The following AAK1 variants were observed in gnomAD, a reference collection of about 807,000 sequenced individuals.
AAK1 encodes AP2-associated protein kinase 1.
A neutral mutation model predicts 116.0 loss-of-function variants in AAK1; 37 were observed. That is an observed-to-expected ratio of 0.32 (90% CI 0.25 to 0.42). The LOEUF is 0.42. AAK1 is among the 10% of genes least tolerant of loss of function. AAK1 has a pLI of 1.00. For missense variants in AAK1, 919 were observed against 1,170.6 expected, an observed-to-expected ratio of 0.79 and a Z score of 3.14; for synonymous variants, 458 against 439.9, an observed-to-expected ratio of 1.04 and a Z score of -0.51.
intron 9 of AAK1, among the ~76,000 whole-genome samples, chr2:69,526,809 C>T (rs539551164): frequency 5.4e-4 from 82 of 152,222 alleles, no homozygotes; most frequent in South Asian, 3.1e-3. Flanking sequence ...GGAAGGAGAA[C>T]GGGGACAAGG....
chr2:69,588,617 G>C (rs1462998082), intron 2 of AAK1, among the ~76,000 whole-genome samples: 1 of 152,148 alleles, frequency 6.6e-6, no homozygotes, highest in Non-Finnish European at 1.5e-5. Context: ...ACCATCTGTG[G>C]GTGCTAAGCT....
At position 69,476,967 on chromosome 2, in the gene AAK1, A is replaced by T. The variant is rs1171238190; in HGVS notation, c.2704T>A (p.Ser902Thr). 2.5e-6 allele frequency: 4 copies of T among 1,612,806 alleles called. No homozygotes were observed. Among genetic ancestry groups the T allele is most frequent in the African/African-American group, 2.7e-5 (2 of 74,890 alleles). The change falls in exon 21 of 22, where the codon TCA becomes ACA. Residue 902 changes from serine to threonine, a missense_variant. Around this residue, in one of 4 missense-constraint regions of AAK1, gnomAD observed 263 missense variants for 285.5 expected, o/e 0.92. Transcript: ENST00000409085. ...HKAAEDSNLI[S>T]GFDVPEGSDK... ...GAGCCCTCAGGGACATCAAAACCTG[A>T]GATGAGATTACTATCTTCTGCAGCT... is the stretch of plus-strand genomic sequence containing the variant.
chr2:69,587,878 T>C (rs11126239), intron 2 of AAK1, among the ~76,000 whole-genome samples: 58,532 of 151,780 alleles, frequency 0.39, 11,624 homozygotes, highest in East Asian at 0.61. Flanking sequence ...TCCCAAAATG[T>C]TGGGAGTTAC....
At chr2:69,528,310 G>C (rs1000509847) in intron 8 of AAK1, among the ~76,000 whole-genome samples, 2 of 152,172 alleles carry the variant, frequency 1.3e-5, no homozygotes, top group African/African-American at 4.8e-5. Context: ...CAAGCCGCTA[G>C]AGTTTCCTAA....
intron 2 of AAK1, among the ~76,000 whole-genome samples, chr2:69,610,940 G>C (rs1452332612): frequency 6.6e-6 from 1 of 152,218 alleles, no homozygotes; most frequent in Non-Finnish European, 1.5e-5. Context: ...ATATGGTGCA[G>C]CTGCTGTGGA....
rs1355519596 is a variant in AAK1 at position 69,507,527 on chromosome 2, A to C, written c.2058T>G (p.Val686=). ...ACGTAGACCCTTCTGAAGGATTATA[A>C]ACGTTTTGTTGAGAGGTCCGAGGAG... ...SGSPRTSQQN[V]YNPSEGSTWN... The change falls in exon 15 of 22, where the codon GTT becomes GTG. Residue 686 remains valine (V), a synonymous_variant. Transcript: ENST00000409085. 6.2e-7 allele frequency: 1 copy of C among 1,612,418 alleles called. No homozygotes were observed. Among genetic ancestry groups the C allele is most frequent in the African/African-American group, 1.3e-5 (1 of 74,910 alleles).
chr2:69,643,294 A>G lies in AAK1; in HGVS notation c.-234-20T>C. The stretch of plus-strand genomic sequence containing the variant: ...TTAAACCTGTGATGACAGAGGAAGA[A>G]AGAGAGGATGAATCAGTAACACGCT... On this transcript the variant is annotated intron_variant, in intron 1 of 21. Transcript: ENST00000409085. The G allele has an allele frequency of 7.3e-7, 1 of 1,370,188 alleles. No individual in the cohort carries two copies. Among genetic ancestry groups the G allele is most frequent in the Non-Finnish European group, 9.4e-7 (1 of 1,069,410 alleles). 84.9% of individuals were successfully genotyped at this position (1,370,188 alleles called of 1,614,324 possible).
At chr2:69,479,243 G>A (rs1310754289) in intron 19 of AAK1, among the ~76,000 whole-genome samples, 182 bp from the exon 20 acceptor site, 1 of 151,856 alleles carries the variant, frequency 6.6e-6, no homozygotes, top group Non-Finnish European at 1.5e-5. Context: ...TCTGTATCAT[G>A]AGATTAGATC....
chr2:69,500,696 T>TACACACAC (rs1433743875), intron 16 of AAK1, among the ~76,000 whole-genome samples: 73 of 99,350 alleles, frequency 7.3e-4, no homozygotes, highest in African/African-American at 3.3e-3. Flanking sequence ...TATATATATA[T>TACACACAC]ATACACACAC....
In AAK1 at chr2:69,467,997, AT is replaced by A; in HGVS notation, c.*7871del. ...CAGAACAAAAATGTGTTTGTCCTCC[AT>A]TTTTATTTTCCTTTCTAACAGTTTG... On this transcript the variant is annotated 3_prime_UTR_variant, in exon 22 of 22. Transcript: ENST00000409085. 2 of 985,432 alleles carry A rather than the reference AT, an allele frequency of 2.0e-6. No homozygotes were observed. The highest frequency in any genetic ancestry group is 2.4e-6 in the Non-Finnish European group (2 of 829,906). 61.0% of individuals were successfully genotyped at this position (985,432 alleles called of 1,614,324 possible). A position where few individuals can be genotyped will look rare whatever the true frequency, so the allele number is the denominator to read the frequency against.
At chr2:69,520,634 T>G (rs1252108974) in intron 11 of AAK1, among the ~76,000 whole-genome samples, 200 bp downstream of exon 11, 1 of 152,176 alleles carries the variant, frequency 6.6e-6, no homozygotes, top group African/African-American at 2.4e-5. Flanking sequence ...CCCAAAGTGT[T>G]GGGATTACAG....
chr2:69,620,787 T>C (rs896170552), intron 2 of AAK1, among the ~76,000 whole-genome samples: 2 of 152,220 alleles, frequency 1.3e-5, no homozygotes, highest in African/African-American at 4.8e-5. Context: ...TTGCTAAGCC[T>C]AAATTCCATC....
intron 10 of AAK1, among the ~76,000 whole-genome samples, chr2:69,522,093 G>A (rs890855101): frequency 6.6e-6 from 1 of 152,238 alleles, no homozygotes; most frequent in Non-Finnish European, 1.5e-5. Context: ...GGGTGCAGAA[G>A]CCCAGGTGCT....
chr2:69,626,663 C>CTTT (rs1205180498), intron 2 of AAK1, among the ~76,000 whole-genome samples: 6,353 of 125,428 alleles, frequency 0.051, 526 homozygotes, highest in African/African-American at 0.13. Flanking sequence ...CCATGCCTGG[C>CTTT]TTTTTTTTTT....
intron 3 of AAK1, among the ~76,000 whole-genome samples, chr2:69,547,655 T>C (rs1487748445): frequency 6.6e-6 from 1 of 152,182 alleles, no homozygotes; most frequent in Non-Finnish European, 1.5e-5. Flanking sequence ...TGTATATTAC[T>C]AGTAGAAATA....
chr2:69,488,888 A>C (rs532169562), intron 17 of AAK1, among the ~76,000 whole-genome samples: 1 of 152,218 alleles, frequency 6.6e-6, no homozygotes, highest in South Asian at 2.1e-4. Flanking sequence ...AAGTTCTCTT[A>C]TGGACAAAAT....
chr2:69,462,118 T>G lies in AAK1; in HGVS notation c.*13751A>C, dbSNP rs1674354599. 6.8e-6 allele frequency: 1 copy of G among 148,042 alleles called. No homozygotes were observed. Among genetic ancestry groups the G allele is most frequent in the South Asian group, 2.1e-4 (1 of 4,774 alleles). The allele number at this position is 148,042 out of a possible 1,614,324, so 9.2% of individuals were successfully genotyped here. A position where few individuals can be genotyped will look rare whatever the true frequency, so the allele number is the denominator to read the frequency against. ...TTAGAATGATCTCTTACTTTAAGAA[T>G]TTCTGAACCAAACACCGCATGTTCT... On this transcript the variant is annotated 3_prime_UTR_variant, in exon 22 of 22. Transcript: ENST00000409085.
chr2:69,576,847 C>T (rs754697565), intron 2 of AAK1, among the ~76,000 whole-genome samples: 1 of 152,114 alleles, frequency 6.6e-6, no homozygotes. Flanking sequence ...CCTTAGATAG[C>T]GGTCTGAAAA....
chr2:69,513,279 T>C (rs116361861), intron 13 of AAK1, among the ~76,000 whole-genome samples: 3,091 of 151,964 alleles, frequency 0.02, 96 homozygotes, highest in African/African-American at 0.071. Flanking sequence ...TGGTTTAAGA[T>C]GGGAGACAAA....
Sources: allele counts gnomAD v4.1 joint callset (sites outside exome capture counted in the v4.1 genomes callset), GRCh38; gene constraint gnomAD v4.1.1; regional missense constraint gnomAD v4.1.1; transcripts MANE v1.5; gene names NCBI Gene and HGNC (gene_info 2026-07-23, HGNC 2026-07-21).